Variants in AGPAT3 observed in about 807,000 individuals in gnomAD.
AGPAT3 encodes the protein 1-acyl-sn-glycerol-3-phosphate acyltransferase gamma.
A neutral mutation model predicts 47.3 loss-of-function variants in AGPAT3; 5 were observed. The observed-to-expected ratio is 0.11, with a 90% confidence interval of 0.06 to 0.22. The LOEUF is 0.22. AGPAT3 is among the 10% of genes least tolerant of loss of function. The pLI, the probability that AGPAT3 is intolerant of heterozygous loss-of-function variation, is 1.00. For missense variants in AGPAT3, 315 were observed against 493.0 expected, an observed-to-expected ratio of 0.64 and a Z score of 3.42; for synonymous variants, 212 against 208.3, an observed-to-expected ratio of 1.02 and a Z score of -0.15.
At chr21:43,902,492 G>A (rs2086381460) in intron 1 of AGPAT3, among the ~76,000 whole-genome samples, 1 of 152,242 alleles carries the variant, frequency 6.6e-6, no homozygotes. Context: ...CAGTTCTGGA[G>A]GCTGGAAGTC....
chr21:43,967,909 G>A (rs755653262), intron 3 of AGPAT3, 37 bp from the exon 4 acceptor site: 2 of 1,602,170 alleles, frequency 1.2e-6, no homozygotes, highest in South Asian at 1.1e-5. Context: ...CAGGAGGAGG[G>A]GTCCTACCAG....
In AGPAT3 at chr21:43,936,648, C is replaced by T. The variant is rs147396541; in HGVS notation, c.-48-22986C>T. Among the ~76,000 whole-genome samples the T allele has an allele frequency of 4.7e-3, 717 of 152,360 alleles. 6 individuals are homozygous for T. Among genetic ancestry groups the T allele is most frequent in the African/African-American group, 0.015 (634 of 41,588 alleles). ...TTCTATCACAGCCGAAAAGCTCACC[C>T]GACTGCTGCCCACAGAGACTTCAGA... On this transcript the variant is annotated intron_variant, in intron 2 of 9. Coordinates refer to ENST00000291572, the MANE Select transcript of AGPAT3 (RefSeq NM_020132.5).
At chr21:43,872,811 G>T (rs1488727066) in intron 1 of AGPAT3, among the ~76,000 whole-genome samples, 4 of 152,230 alleles carry the variant, frequency 2.6e-5, no homozygotes, top group Non-Finnish European at 4.4e-5. Context: ...TCCGGTGTGG[G>T]TACAAACAGT....
At chr21:43,900,576 A>G (rs1315420292) in intron 1 of AGPAT3, among the ~76,000 whole-genome samples, 1 of 152,180 alleles carries the variant, frequency 6.6e-6, no homozygotes, top group African/African-American at 2.4e-5. Context: ...ATATGGAAGA[A>G]GAGGGAGTTC....
Position 43,908,521 on chromosome 21 carries a change from G to A in AGPAT3, c.-49+4502G>A, listed in dbSNP as rs1488266404. Among the ~76,000 whole-genome samples the A allele has an allele frequency of 1.3e-5, 2 of 152,172 alleles. No individual in the cohort carries two copies. Among genetic ancestry groups the A allele is most frequent in the African/African-American group, 2.4e-5 (1 of 41,428 alleles). ...CCTTGGTGACCTGTCTGTGAAATGG[G>A]CACAGGAGCCCAGCTCTTGCATAGA... On this transcript the variant is annotated intron_variant, in intron 2 of 9. Coordinates refer to ENST00000291572, the MANE Select transcript of AGPAT3 (RefSeq NM_020132.5). This position sits in a 1 kb window ranked among gnomAD's most constrained non-coding sequence, Gnocchi z 4.9.
intron 2 of AGPAT3, among the ~76,000 whole-genome samples, chr21:43,907,934 G>A (rs532569002): frequency 6.6e-6 from 1 of 152,184 alleles, no homozygotes; most frequent in Non-Finnish European, 1.5e-5. Flanking sequence ...CCTCTCCGTC[G>A]CACGGCTCCG....
intron 2 of AGPAT3, among the ~76,000 whole-genome samples, chr21:43,906,667 G>C (rs1485123128): frequency 6.6e-6 from 1 of 152,222 alleles, no homozygotes; most frequent in Non-Finnish European, 1.5e-5. Context: ...CAAACCCATG[G>C]CTTGTGACCC....
Position 43,967,995 on chromosome 21 carries a change from C to G in AGPAT3, c.228C>G (p.Phe76Leu). The G allele has an allele frequency of 1.2e-6, 2 of 1,614,006 alleles. No homozygotes were observed. The highest frequency in any genetic ancestry group is 1.7e-6 in the Non-Finnish European group (2 of 1,180,016). ...GGTCCTGCACGGAGTGTACACTGTT[C>G]ACGGACCAGGCCACGGTAGAGCGCT... ...EWWSCTECTL[F>L]TDQATVERFG... Residue 76 changes from phenylalanine to leucine, a missense_variant, in exon 4 of 10, where the codon TTC becomes TTG. Physicochemically the swap from Phe to Leu is conservative, Grantham distance 22. Transcript: ENST00000291572.
intron 1 of AGPAT3, chr21:43,867,687 T>C (rs1325540373): frequency 1.3e-5 from 2 of 152,238 alleles, no homozygotes; most frequent in Non-Finnish European, 2.9e-5. Flanking sequence ...GTATCGCCGG[T>C]GGACTGGTGT....
intron 2 of AGPAT3, among the ~76,000 whole-genome samples, chr21:43,913,428 A>T (rs2086666823): frequency 6.6e-6 from 1 of 152,130 alleles, no homozygotes; most frequent in Non-Finnish European, 1.5e-5. Context: ...CTATAAAAAA[A>T]TACAAAAATT....
chr21:43,959,410 G>GTGTGGTT (rs1188323565), intron 2 of AGPAT3, among the ~76,000 whole-genome samples: 1 of 147,046 alleles, frequency 6.8e-6, no homozygotes, highest in East Asian at 2.0e-4. Flanking sequence ...AGTGGTGTGT[G>GTGTGGTT]TGTGGTTTGT....
At chr21:43,872,168 T>A (rs1220177466) in intron 1 of AGPAT3, among the ~76,000 whole-genome samples, 2 of 151,742 alleles carry the variant, frequency 1.3e-5, no homozygotes, top group East Asian at 3.8e-4. Flanking sequence ...TTCTTGCTTT[T>A]GTAAATGGTG....
intron 1 of AGPAT3, among the ~76,000 whole-genome samples, chr21:43,895,912 G>A (rs923952838): frequency 4.6e-5 from 7 of 152,132 alleles, no homozygotes; most frequent in Non-Finnish European, 7.4e-5. Context: ...GATTACAGGC[G>A]CCTGCTACCA....
In AGPAT3 at chr21:43,932,905, C is replaced by T. The variant is rs192954544; in HGVS notation, c.-48-26729C>T. Reference sequence around the variant, plus strand: ...CCTCAAGTGATCCACCCGCCTTGGCCTCCCAAAGTGCTGGGATTACAGGTG... The same window carrying T: ...CCTCAAGTGATCCACCCGCCTTGGCTTCCCAAAGTGCTGGGATTACAGGTG... On this transcript the variant is annotated intron_variant, in intron 2 of 9. Transcript: ENST00000291572. This position sits in a 1 kb window ranked among gnomAD's most constrained non-coding sequence, Gnocchi z 5.2. Among the ~76,000 whole-genome samples the T allele has an allele frequency of 3.7e-3, 569 of 152,314 alleles. 3 individuals carry two copies. Among genetic ancestry groups the T allele is most frequent in the Non-Finnish European group, 5.7e-3 (390 of 68,020 alleles).
intron 1 of AGPAT3, among the ~76,000 whole-genome samples, chr21:43,886,370 C>T (rs2085978787): frequency 6.6e-6 from 1 of 152,128 alleles, no homozygotes; most frequent in Non-Finnish European, 1.5e-5. Context: ...TCTCATGCCT[C>T]AGTCTCCCGA....
At position 43,986,952 on chromosome 21, in the gene AGPAT3, C is replaced by T. The variant is rs986525459; in HGVS notation, c.*4560C>T. 6.6e-6 allele frequency among the ~76,000 whole-genome samples: 1 copy of T among 152,198 alleles called. No individual in the cohort carries two copies. The highest frequency in any genetic ancestry group is 1.5e-5 in the Non-Finnish European group (1 of 68,036). ...GGGTGAGGGCTGCTAACTTACACTT[C>T]AGAGGCCTGTGTCCCAAAGGCCTGG... is the stretch of plus-strand genomic sequence containing the variant. On this transcript the variant is annotated 3_prime_UTR_variant, in exon 10 of 10. Coordinates refer to ENST00000291572, the MANE Select transcript of AGPAT3 (RefSeq NM_020132.5).
intron 1 of AGPAT3, among the ~76,000 whole-genome samples, chr21:43,875,291 C>T (rs1469613269): frequency 6.6e-6 from 1 of 152,156 alleles, no homozygotes; most frequent in African/African-American, 2.4e-5. Context: ...TAATACAATG[C>T]CTATATATAA....
At chr21:43,941,390 C>T (rs923065217) in intron 2 of AGPAT3, among the ~76,000 whole-genome samples, 2 of 152,132 alleles carry the variant, frequency 1.3e-5, no homozygotes, top group Non-Finnish European at 2.9e-5. Flanking sequence ...TATGTAAAAA[C>T]GATCAATACT....
chr21:43,886,446 T>G (rs1319684404), intron 1 of AGPAT3, among the ~76,000 whole-genome samples: 3 of 151,878 alleles, frequency 2.0e-5, no homozygotes, highest in Non-Finnish European at 4.4e-5. Context: ...TAAAGATGGT[T>G]TCACCCTGTT....
Sources: allele counts gnomAD v4.1 joint callset (sites outside exome capture counted in the v4.1 genomes callset), GRCh38; gene constraint gnomAD v4.1.1; non-coding constraint Gnocchi (gnomAD v3.1); transcripts MANE v1.5; gene names NCBI Gene and HGNC (gene_info 2026-07-23, HGNC 2026-07-21).